SOD2: variants seen among roughly 807,000 people sequenced by gnomAD.
SOD2 encodes superoxide dismutase [Mn], mitochondrial.
SOD2 carries 11 observed loss-of-function variants against 27.0 expected under a neutral mutation model. The observed-to-expected ratio is 0.41, with a 90% CI of 0.26 to 0.67. The LOEUF is 0.67. Among genes scored for constraint, SOD2 ranks in the 30% least tolerant of loss-of-function variants. The pLI is 0.34. For synonymous variants in SOD2, 105 were observed against 103.0 expected (o/e 1.02, Z -0.12); for missense variants, 250 against 274.5 (o/e 0.91, Z 0.63).
rs2114794622 is a variant in SOD2, at chr6:159,692,864, C to A, written c.24-1G>T. The A allele has an allele frequency of 6.2e-7, 1 of 1,601,430 alleles. No individual in the cohort carries two copies. Among genetic ancestry groups the A allele is most frequent in the Non-Finnish European group, 8.5e-7 (1 of 1,175,088 alleles). ...AACCGGAGCCAGCTGCCTGCTGGTGCTGAAGACGAGAAAGCACAGCCCGGT... is the reference window on the plus strand; with the variant it reads ...AACCGGAGCCAGCTGCCTGCTGGTGATGAAGACGAGAAAGCACAGCCCGGT... On this transcript the variant is annotated splice_acceptor_variant, in intron 1 of 4. Coordinates refer to ENST00000538183, the MANE Select transcript of SOD2 (RefSeq NM_000636.4). LOFTEE classifies it high-confidence loss of function.
At chr6:159,727,206 G>C in exon 1 of SOD2, 3 of 1,246,418 alleles carry the variant, frequency 2.4e-6, no homozygotes, top group Non-Finnish European at 3.1e-6. Flanking sequence ...CCGGGGAGCA[G>C]CTGCTCCATT....
chr6:159,713,777 T>TTTA, intron 1 of SOD2: 1 of 972,808 alleles, frequency 1.0e-6, no homozygotes, highest in Non-Finnish European at 1.7e-6. Flanking sequence ...TTTCTCTGTC[T>TTTA]TTAAAGCCAA....
At chr6:159,748,042 T>A (rs995980292), upstream of SOD2, 22 of 1,049,406 alleles carry the variant, frequency 2.1e-5, no homozygotes, top group African/African-American at 3.4e-4. This position sits in a 1 kb window ranked among gnomAD's most constrained non-coding sequence, Gnocchi z 5.6. Flanking sequence ...TCTAGAAAGT[T>A]TTAAGATTTT....
intron 1 of SOD2, among the ~76,000 whole-genome samples, chr6:159,709,362 A>C (rs1272350802): frequency 1.3e-5 from 2 of 152,118 alleles, no homozygotes; most frequent in Non-Finnish European, 2.9e-5. Flanking sequence ...TTTGCAATCT[A>C]CTCATCTGAC....
chr6:159,735,244 G>A (rs1369054229), intron 1 of SOD2, among the ~76,000 whole-genome samples: 1 of 152,110 alleles, frequency 6.6e-6, no homozygotes, highest in Non-Finnish European at 1.5e-5. Context: ...AGGTTCAGGC[G>A]ATTCCTGCCT....
rs2114750797 is a variant in SOD2 at position 159,676,420 on chromosome 6, A to G, written c.*6073T>C. 6.6e-6 allele frequency: 1 copy of G among 152,348 alleles called. No individual in the cohort carries two copies. The allele number at this position is 152,348 out of a possible 1,614,324, so 9.4% of individuals were successfully genotyped here. A position where few individuals can be genotyped will look rare whatever the true frequency, so the allele number is the denominator to read the frequency against. ...CACCATGGAATACTATGCAGCCATA[A>G]AAAAGGAAGAGTTCATGTCCTTTAT... is the stretch of plus-strand genomic sequence containing the variant. On this transcript the variant is annotated 3_prime_UTR_variant, in exon 5 of 5. Coordinates refer to ENST00000538183, the MANE Select transcript of SOD2 (RefSeq NM_000636.4).
chr6:159,752,626 A>G, intron 1 of SOD2, among the ~76,000 whole-genome samples: 1 of 152,216 alleles, frequency 6.6e-6, no homozygotes, highest in East Asian at 1.9e-4. Flanking sequence ...TTGTGTCAAA[A>G]GGATGATCTT....
At chr6:159,739,074 T>G (rs139325699) in intron 1 of SOD2, 2 of 1,567,146 alleles carry the variant, frequency 1.3e-6, no homozygotes, top group Admixed American at 1.7e-5. Flanking sequence ...AAAAACAAAG[T>G]CTTTCTATAG....
At chr6:159,708,982 C>G (rs1261889526) in intron 1 of SOD2, among the ~76,000 whole-genome samples, 1 of 152,194 alleles carries the variant, frequency 6.6e-6, no homozygotes, top group Non-Finnish European at 1.5e-5. Flanking sequence ...ACTATCTGAT[C>G]TTTGAGAAAC....
intron 1 of SOD2, among the ~76,000 whole-genome samples, chr6:159,707,117 C>T (rs1038650265): frequency 1.3e-5 from 2 of 151,926 alleles, no homozygotes; most frequent in Admixed American, 6.6e-5. Context: ...ACATTTAAAG[C>T]AGTGTGTAGA....
At chr6:159,685,160 C>T (rs1031029682) in intron 3 of SOD2, 127 bp from the exon 4 acceptor site, 28 of 460,342 alleles carry the variant, frequency 6.1e-5, no homozygotes, top group Middle Eastern at 8.7e-4. Flanking sequence ...CATCAGAATG[C>T]GACACCTGGA....
At chr6:159,739,972 A>C (rs1016985490) in intron 1 of SOD2, among the ~76,000 whole-genome samples, 1 of 152,042 alleles carries the variant, frequency 6.6e-6, no homozygotes, top group South Asian at 2.1e-4. Context: ...TATATACTTA[A>C]GATACACTAC....
In SOD2 at chr6:159,707,546, A is replaced by G. The variant is rs1194479328; in HGVS notation, c.-115-14683T>C. On this transcript the variant is annotated intron_variant, in intron 1 of 2. Coordinates refer to the SOD2 transcript ENST00000401980. ...AATGGATAAGTTCCAGGACACATAC[A>G]CCCTCCCAAGACTAAACCACAAAGA... Among the ~76,000 whole-genome samples the G allele has an allele frequency of 2.6e-5, 4 of 152,196 alleles. No homozygotes were observed. In the East Asian group the frequency reaches 7.7e-4, roughly 29 times the overall value.
rs542050838 is a variant in SOD2 at position 159,708,287 on chromosome 6, A to G, written c.-115-15424T>C. ...TGGCCAGGGCCATCAGGCAGGAGAA[A>G]GAAATAAAGGGTATTCAATTAGGAA... On this transcript the variant is annotated intron_variant, in intron 1 of 2. Coordinates refer to the SOD2 transcript ENST00000401980. Among the ~76,000 whole-genome samples the G allele has an allele frequency of 1.0e-3, 156 of 152,336 alleles. 3 individuals are homozygous for G. In the South Asian group the frequency reaches 0.031, roughly 31 times the overall value.
chr6:159,755,068 G>A (rs1779953388), intron 1 of SOD2: 1 of 1,614,056 alleles, frequency 6.2e-7, no homozygotes. Context: ...AAGAAGTAGA[G>A]GGTATGCAGA....
chr6:159,690,463 A>T (rs551601499), intron 2 of SOD2, among the ~76,000 whole-genome samples: 151 of 152,178 alleles, frequency 9.9e-4, no homozygotes, highest in African/African-American at 2.2e-3. Context: ...AAAAATTTTT[A>T]AAAGGAACAT....
chr6:159,692,321 A>T, intron 2 of SOD2: 1 of 1,007,758 alleles, frequency 9.9e-7, no homozygotes, highest in Non-Finnish European at 1.3e-6. Context: ...CAATTTGCAA[A>T]AAAAACGAGT....
chr6:159,726,624 G>A (rs939064120), intron 1 of SOD2: 6 of 437,394 alleles, frequency 1.4e-5, no homozygotes, highest in Non-Finnish European at 2.4e-5. Flanking sequence ...TCCACTTGCA[G>A]GACCTCTTTG....
exon 1 of SOD2, chr6:159,762,227 G>C: frequency 6.8e-7 from 1 of 1,464,996 alleles, no homozygotes; most frequent in East Asian, 2.5e-5. Context: ...TGTAGGAGAG[G>C]GGCGTATGTG....
Sources: gnomAD v4.1 joint callset for allele counts (sites outside exome capture counted in the v4.1 genomes callset) on GRCh38, gnomAD v4.1.1 for gene constraint, Gnocchi (gnomAD v3.1) non-coding constraint, MANE v1.5 for transcripts, NCBI Gene and HGNC (gene_info 2026-07-23, HGNC 2026-07-21) for gene names.